The following COMMD1 variants were observed in gnomAD, a reference collection of about 807,000 sequenced individuals.
COMMD1 encodes the protein COMM domain-containing protein 1.
Under a neutral mutation model 17.2 loss-of-function variants are expected in COMMD1, and 10 were observed. The ratio of observed to expected loss-of-function variants is 0.58; its 90% confidence interval spans 0.36 to 0.99. The LOEUF is 0.99. Ranked by LOEUF, COMMD1 falls within the 50% of genes least tolerant of loss-of-function variation. The pLI, the probability that COMMD1 is intolerant of heterozygous loss-of-function variation, is 0.01. For missense variants in COMMD1, 270 were observed against 231.8 expected, an observed-to-expected ratio of 1.17 and a Z score of -1.07; for synonymous variants, 97 against 91.6, an observed-to-expected ratio of 1.06 and a Z score of -0.34.
intron 1 of COMMD1, among the ~76,000 whole-genome samples, chr2:61,952,935 C>T (rs1230296539): frequency 1.3e-5 from 2 of 152,140 alleles, no homozygotes; most frequent in African/African-American, 4.8e-5. Flanking sequence ...ATAACTGCAC[C>T]ATTTTGTGCT....
At chr2:61,893,608 G>A (rs566111844) in intron 1 of COMMD1, among the ~76,000 whole-genome samples, 2 of 152,268 alleles carry the variant, frequency 1.3e-5, no homozygotes, top group Admixed American at 6.5e-5. Flanking sequence ...GAGGTCAGGA[G>A]TTCGAGACCA....
At chr2:61,928,133 AAAGT>A (rs1234033620) in intron 1 of COMMD1, among the ~76,000 whole-genome samples, 2 of 152,060 alleles carry the variant, frequency 1.3e-5, no homozygotes, top group African/African-American at 4.8e-5. Context: ...AATTATATAA[AAAGT>A]AAGCAATATA....
intron 1 of COMMD1, among the ~76,000 whole-genome samples, chr2:61,989,187 A>G (rs1672181080): frequency 6.6e-6 from 1 of 152,196 alleles, no homozygotes; most frequent in African/African-American, 2.4e-5. Flanking sequence ...GAAGATTGGT[A>G]GAGGCTTCTG....
At chr2:61,966,320 C>G (rs1671503808) in intron 1 of COMMD1, among the ~76,000 whole-genome samples, 1 of 152,126 alleles carries the variant, frequency 6.6e-6, no homozygotes, top group Non-Finnish European at 1.5e-5. Context: ...AGTCATTGAG[C>G]TTTGGAAGCC....
Position 61,905,873 on chromosome 2 carries a change from T to A in COMMD1, c.180+15T>A. 1 of 1,613,918 alleles carries A rather than the reference T, an allele frequency of 6.2e-7. No homozygotes were observed. The highest frequency in any genetic ancestry group is 1.1e-5 in the South Asian group (1 of 91,072). Reference sequence around the variant, plus strand: ...GGATTCTTAAGGTACTGCTCTTTTCTGTAGTCTCCGGCTTGGAGCAGAACC... The same window carrying A: ...GGATTCTTAAGGTACTGCTCTTTTCAGTAGTCTCCGGCTTGGAGCAGAACC... On this transcript the variant is annotated intron_variant, in intron 1 of 2. Transcript: ENST00000311832.
chr2:61,916,983 A>G lies in COMMD1; in HGVS notation c.180+11125A>G, dbSNP rs143667761. On this transcript the variant is annotated intron_variant, in intron 1 of 2. Transcript: ENST00000311832. ...TTTGCATATTGTAGTATTATTTTAA[A>G]AGCATAATTTGATCCTGCTTGCTAA... 5.1e-3 allele frequency among the ~76,000 whole-genome samples: 780 copies of G among 152,268 alleles called. 10 individuals carry two copies. The highest frequency in any genetic ancestry group is 0.017 in the African/African-American group (699 of 41,544).
chr2:61,888,793 G>A (rs893273386), exon 1 of COMMD1: 1 of 481,120 alleles, frequency 2.1e-6, no homozygotes. Context: ...AGCGCCGGGG[G>A]AACCTTTACG....
intron 1 of COMMD1, among the ~76,000 whole-genome samples, chr2:61,977,241 CTTTTTT>C (rs1160361696): frequency 6.8e-5 from 6 of 88,810 alleles, no homozygotes; most frequent in South Asian, 3.8e-4. Context: ...ATAAAGTTTG[CTTTTTT>C]TTTTTTTTTT....
At chr2:62,103,127 T>C (rs1284739533) in intron 2 of COMMD1, among the ~76,000 whole-genome samples, 1 of 152,100 alleles carries the variant, frequency 6.6e-6, no homozygotes, top group Non-Finnish European at 1.5e-5. Flanking sequence ...TACAGGTGCC[T>C]GCAACCACGC....
chr2:62,054,828 A>G (rs1406698812), intron 2 of COMMD1, among the ~76,000 whole-genome samples: 1 of 152,210 alleles, frequency 6.6e-6, no homozygotes, highest in African/African-American at 2.4e-5. Context: ...CTATGTATAT[A>G]ACAAAATTGC....
At chr2:62,135,075 G>A (rs1245912995) in intron 2 of COMMD1, among the ~76,000 whole-genome samples, 1 of 152,166 alleles carries the variant, frequency 6.6e-6, no homozygotes, top group Non-Finnish European at 1.5e-5. Flanking sequence ...TGTAATCCAA[G>A]GTGCTGTGGA....
chr2:62,054,020 C>G (rs1347244399), intron 2 of COMMD1, among the ~76,000 whole-genome samples: 3 of 152,064 alleles, frequency 2.0e-5, no homozygotes. Context: ...TCCAAATAAT[C>G]CTACTAAAAA....
intron 2 of COMMD1, among the ~76,000 whole-genome samples, chr2:62,061,381 G>A (rs1485174494): frequency 6.6e-6 from 1 of 152,092 alleles, no homozygotes; most frequent in Non-Finnish European, 1.5e-5. Flanking sequence ...TCTAACACCA[G>A]CCCCTCTCTT....
At chr2:61,888,485 C>G, upstream of COMMD1, 4 of 1,611,946 alleles carry the variant, frequency 2.5e-6, no homozygotes, top group Non-Finnish European at 3.4e-6. Flanking sequence ...CGCCCCGCTC[C>G]GGGGTGCCAC....
At chr2:61,946,651 CTACACTA>C (rs976338502) in intron 1 of COMMD1, among the ~76,000 whole-genome samples, 3 of 152,148 alleles carry the variant, frequency 2.0e-5, no homozygotes, top group Non-Finnish European at 4.4e-5. Flanking sequence ...ACTAGTTTTA[CTACACTA>C]TACATCAGTA....
chr2:62,036,417 G>T (rs1670040639), intron 2 of COMMD1, among the ~76,000 whole-genome samples: 1 of 152,148 alleles, frequency 6.6e-6, no homozygotes. Context: ...TGTAACATAG[G>T]CAAGGAGAAA....
At chr2:61,909,463 G>T (rs562748944) in intron 1 of COMMD1, among the ~76,000 whole-genome samples, 1 of 152,116 alleles carries the variant, frequency 6.6e-6, no homozygotes, top group African/African-American at 2.4e-5. Context: ...AAGGGTAGCC[G>T]TATACAGGAT....
At chr2:62,066,974 C>T (rs1467469192) in intron 2 of COMMD1, among the ~76,000 whole-genome samples, 1 of 152,124 alleles carries the variant, frequency 6.6e-6, no homozygotes, top group African/African-American at 2.4e-5. Context: ...GATCTGCCCG[C>T]CTTGGCCTCC....
intron 2 of COMMD1, among the ~76,000 whole-genome samples, chr2:62,085,495 G>A (rs1671638055): frequency 1.3e-5 from 2 of 152,114 alleles, no homozygotes; most frequent in East Asian, 1.9e-4. Flanking sequence ...AGGATTACAG[G>A]CGTGAGCCAC....
Sources: allele counts gnomAD v4.1 joint callset (sites outside exome capture counted in the v4.1 genomes callset), GRCh38; gene constraint gnomAD v4.1.1; transcripts MANE v1.5; gene names NCBI Gene and HGNC (gene_info 2026-07-23, HGNC 2026-07-21).